Variants in USP7 observed in about 807,000 individuals in gnomAD.
The protein encoded by USP7 is ubiquitin C-terminal hydrolase 7.
A neutral mutation model predicts 162.9 loss-of-function variants in USP7; 9 were observed. The ratio of observed to expected loss-of-function variants is 0.06; its 90% confidence interval spans 0.03 to 0.10. The LOEUF (loss-of-function observed/expected upper bound fraction) is 0.10, where lower values mean the gene tolerates loss of function less well. Among genes scored for constraint, USP7 ranks in the 10% least tolerant of loss-of-function variants. The pLI is 1.00. For synonymous variants in USP7, 562 were observed against 475.9 expected (o/e 1.18, Z -2.35); for missense variants, 715 against 1,373.7 (o/e 0.52, Z 7.58).
At chr16:8,901,928 T>C (rs948633485) in intron 18 of USP7, 154 bp downstream of exon 18, 3 of 679,144 alleles carry the variant, frequency 4.4e-6, no homozygotes, top group South Asian at 1.9e-5. Flanking sequence ...GTCAGTCTTA[T>C]TTGACTTCAT....
rs189612550 is a variant in USP7 at position 8,917,829 on chromosome 16, A to G, written c.721-673T>C. Among the ~76,000 whole-genome samples the G allele has an allele frequency of 4.9e-3, 739 of 151,840 alleles. 10 individuals carry two copies. The highest frequency in any genetic ancestry group is 0.017 in the African/African-American group (710 of 41,428). ...TTTTGAGACGGAGTCTTGCTCTGTCACCCAGGCTGGAATGCAGTGGCGTGA... is the reference window on the plus strand; with the variant it reads ...TTTTGAGACGGAGTCTTGCTCTGTCGCCCAGGCTGGAATGCAGTGGCGTGA... On this transcript the variant is annotated intron_variant, in intron 6 of 30. Transcript: ENST00000344836.
chr16:8,921,133 C>T, intron 4 of USP7, 24 bp downstream of exon 4: 3 of 1,610,074 alleles, frequency 1.9e-6, no homozygotes, highest in Middle Eastern at 1.7e-4. Context: ...ACCAATTGTT[C>T]AGACTAAATA....
rs143401802 is a variant in USP7, at chr16:8,907,627, C to T, written c.1271+714G>A. On this transcript the variant is annotated intron_variant, in intron 12 of 30. Coordinates refer to ENST00000344836, the MANE Select transcript of USP7 (RefSeq NM_003470.3). ...TCCCAGCACTTTGGGAGGCTGAGGC[C>T]GGCAGATCACTTGAGACCAGCCTGG... is the stretch of plus-strand genomic sequence containing the variant. 2.7e-3 allele frequency among the ~76,000 whole-genome samples: 405 copies of T among 152,112 alleles called. 1 individual carries two copies. Among genetic ancestry groups the T allele is most frequent in the African/African-American group, 9.0e-3 (375 of 41,496 alleles).
intron 1 of USP7, among the ~76,000 whole-genome samples, chr16:8,946,456 G>A (rs1899285465): frequency 6.6e-6 from 1 of 152,152 alleles, no homozygotes; most frequent in African/African-American, 2.4e-5. Flanking sequence ...GCTCCAGAAA[G>A]ACTTATGCTC....
intron 2 of USP7, among the ~76,000 whole-genome samples, chr16:8,927,877 G>T (rs1158851359): frequency 6.6e-5 from 10 of 152,018 alleles, no homozygotes; most frequent in African/African-American, 2.4e-4. Flanking sequence ...AAGTGCAATG[G>T]GTCATGCCTA....
At chr16:8,895,573 G>T in intron 27 of USP7, 69 bp downstream of exon 27, 1 of 1,272,154 alleles carries the variant, frequency 7.9e-7, no homozygotes, top group Non-Finnish European at 1.1e-6. Context: ...AACTTGCTGT[G>T]ATATTTAAAT....
intron 2 of USP7, chr16:8,929,658 A>G: frequency 2.2e-6 from 1 of 448,510 alleles, no homozygotes; most frequent in South Asian, 1.6e-5. Context: ...GCTGCTCCCT[A>G]CTCACAAGTG....
chr16:8,927,851 A>G (rs78846691), intron 2 of USP7, among the ~76,000 whole-genome samples: 2 of 152,238 alleles, frequency 1.3e-5, no homozygotes, highest in East Asian at 3.9e-4. Flanking sequence ...AAAATAAAAT[A>G]AAACTTCCTT....
intron 27 of USP7, among the ~76,000 whole-genome samples, 200 bp from the exon 28 acceptor site, chr16:8,895,350 C>A (rs549660287): frequency 1.7e-4 from 26 of 152,232 alleles, no homozygotes; most frequent in African/African-American, 6.0e-4. Context: ...CCCCCTCCCC[C>A]AAAAAACTGA....
intron 1 of USP7, among the ~76,000 whole-genome samples, chr16:8,942,739 G>T (rs1351729201): frequency 6.6e-6 from 1 of 152,130 alleles, no homozygotes; most frequent in East Asian, 1.9e-4. Flanking sequence ...TGTAGAGACT[G>T]GGTCTCACTA....
chr16:8,916,990 G>C, intron 7 of USP7, 36 bp downstream of exon 7: 1 of 1,461,188 alleles, frequency 6.8e-7, no homozygotes, highest in South Asian at 1.5e-5. Flanking sequence ...AAAAAAAGAG[G>C]AAGCAGAATG....
chr16:8,955,977 G>A (rs925491639), intron 1 of USP7, among the ~76,000 whole-genome samples: 1 of 152,138 alleles, frequency 6.6e-6, no homozygotes, highest in African/African-American at 2.4e-5. Flanking sequence ...TTACCACCCA[G>A]ACACTTGCAG....
Position 8,894,859 on chromosome 16 carries a change from G to C in USP7, c.3040-4C>G. The C allele has an allele frequency of 6.2e-7, 1 of 1,614,196 alleles. No individual in the cohort carries two copies. Among genetic ancestry groups the C allele is most frequent in the South Asian group, 1.1e-5 (1 of 91,084 alleles). On this transcript the variant is annotated splice_region_variant and splice_polypyrimidine_tract_variant and intron_variant, in intron 28 of 30. Transcript: ENST00000344836. The stretch of plus-strand genomic sequence containing the variant: ...TCACTTCTCGAAAATGCTCGCCCTA[G>C]AATGGCAAAGGACATGTGCTCACAC...
chr16:8,894,696 CA>C (rs2061655305), intron 29 of USP7, 56 bp from the exon 30 acceptor site: 1 of 1,611,936 alleles, frequency 6.2e-7, no homozygotes, highest in Non-Finnish European at 8.5e-7. Flanking sequence ...GCAAAACTCA[CA>C]TCTCTGGCAA....
chr16:8,895,998 G>A (rs148397533), intron 26 of USP7, among the ~76,000 whole-genome samples: 117 of 152,018 alleles, frequency 7.7e-4, no homozygotes, highest in African/African-American at 2.5e-3. Flanking sequence ...CACCACACTG[G>A]GCTGATTTTT....
At chr16:8,904,887 G>A (rs1567212902) in intron 14 of USP7, among the ~76,000 whole-genome samples, 1 of 152,158 alleles carries the variant, frequency 6.6e-6, no homozygotes, top group Non-Finnish European at 1.5e-5. Context: ...CAGGAGAGTG[G>A]CGAGAACCCG....
At chr16:8,900,414 AAAAAAC>A (rs1018063126) in intron 21 of USP7, 110 bp downstream of exon 21, 15 of 716,034 alleles carry the variant, frequency 2.1e-5, no homozygotes, top group African/African-American at 5.5e-5. Flanking sequence ...GTTACATTAA[AAAAAAC>A]AAAAACAAAA....
chr16:8,941,382 T>A (rs1050897032), intron 1 of USP7, among the ~76,000 whole-genome samples: 2 of 152,184 alleles, frequency 1.3e-5, no homozygotes, highest in African/African-American at 4.8e-5. Context: ...GTTAACAACT[T>A]TTTAACAAAG....
intron 14 of USP7, 113 bp from the exon 15 acceptor site, chr16:8,904,678 T>C (rs1019903125): frequency 3.1e-5 from 45 of 1,470,238 alleles, no homozygotes; most frequent in East Asian, 1.4e-4. Flanking sequence ...CGTGGTGGCT[T>C]ACGCCTGTAA....
Sources: gnomAD v4.1 joint callset for allele counts (sites outside exome capture counted in the v4.1 genomes callset) on GRCh38, gnomAD v4.1.1 for gene constraint, MANE v1.5 for transcripts, NCBI Gene and HGNC (gene_info 2026-07-23, HGNC 2026-07-21) for gene names.